Variants in CNOT4 observed in about 807,000 individuals in gnomAD.
The protein encoded by CNOT4 is CCR4-associated factor 4.
Under a neutral mutation model 73.8 loss-of-function variants are expected in CNOT4, and 8 were observed. The observed-to-expected ratio is 0.11, with a 90% confidence interval of 0.06 to 0.20. The LOEUF (loss-of-function observed/expected upper bound fraction) is 0.20. CNOT4 is among the 10% of genes least tolerant of loss of function. CNOT4 has a pLI of 1.00. For missense variants in CNOT4, 564 were observed against 883.4 expected, an observed-to-expected ratio of 0.64 and a Z score of 4.58; for synonymous variants, 293 against 321.1, an observed-to-expected ratio of 0.91 and a Z score of 0.94.
intron 2 of CNOT4, among the ~76,000 whole-genome samples, 174 bp downstream of exon 2, chr7:135,437,984 C>T (rs1018501086): frequency 4.6e-5 from 7 of 152,032 alleles, no homozygotes; most frequent in African/African-American, 1.7e-4. Context: ...AAGACGTGGC[C>T]CTGACTCCCA....
chr7:135,456,021 A>G (rs954988966), intron 1 of CNOT4, among the ~76,000 whole-genome samples: 1 of 152,222 alleles, frequency 6.6e-6, no homozygotes, highest in African/African-American at 2.4e-5. Context: ...ATTGACGAAA[A>G]CAGAAGAGAA....
intron 5 of CNOT4, 110 bp from the exon 6 acceptor site, chr7:135,413,723 G>T: frequency 9.9e-7 from 1 of 1,008,890 alleles, no homozygotes; most frequent in Non-Finnish European, 1.4e-6. Flanking sequence ...GCACAAACAT[G>T]ACAAAACAAA....
At chr7:135,384,353 C>T (rs372249448) in intron 10 of CNOT4, 23 of 240,552 alleles carry the variant, frequency 9.6e-5, no homozygotes, top group East Asian at 7.6e-4. Context: ...GGCACCATCT[C>T]GGCTCACTGC....
intron 10 of CNOT4, among the ~76,000 whole-genome samples, chr7:135,380,591 T>A (rs923331894): frequency 6.6e-6 from 1 of 152,210 alleles, no homozygotes; most frequent in Non-Finnish European, 1.5e-5. Flanking sequence ...TTGTTTGCAA[T>A]GAATTCACAG....
intron 2 of CNOT4, among the ~76,000 whole-genome samples, chr7:135,423,701 G>T (rs1449872686): frequency 6.6e-6 from 1 of 151,908 alleles, no homozygotes; most frequent in African/African-American, 2.4e-5. Context: ...ATTAGAGCTG[G>T]TGACCCAAAA....
intron 1 of CNOT4, among the ~76,000 whole-genome samples, chr7:135,492,812 G>A (rs1220982099): frequency 1.3e-5 from 2 of 152,060 alleles, no homozygotes; most frequent in Non-Finnish European, 2.9e-5. Context: ...ACCATGAAGT[G>A]CCTTAAATGG....
Position 135,378,141 on chromosome 7 carries a change from A to G in CNOT4, c.1628-14075T>C, listed in dbSNP as rs146117592. ...TTATTGATTCAAAATTTTACAGTGC[A>G]TTAGTCGTTCCCCAATCTGCTCCAA... On this transcript the variant is annotated intron_variant, in intron 10 of 11. Transcript: ENST00000541284. Among the ~76,000 whole-genome samples the G allele has an allele frequency of 1.2e-4, 19 of 152,340 alleles. No homozygotes were observed. The East Asian group carries it at 3.5e-3, about 28-fold the overall frequency.
At chr7:135,400,668 CA>C (rs1233660406) in intron 7 of CNOT4, among the ~76,000 whole-genome samples, 4 of 152,114 alleles carry the variant, frequency 2.6e-5, no homozygotes, top group African/African-American at 9.6e-5. Flanking sequence ...CTTTGTCCAC[CA>C]TCCAACTGCA....
At chr7:135,386,683 T>C (rs1796137968) in intron 10 of CNOT4, 1 of 152,230 alleles carries the variant, frequency 6.6e-6, no homozygotes, top group African/African-American at 2.4e-5. Context: ...TTAGCCATTC[T>C]ATGCAAAAAT....
intron 3 of CNOT4, among the ~76,000 whole-genome samples, chr7:135,421,548 A>C (rs1193600154): frequency 6.6e-6 from 1 of 152,198 alleles, no homozygotes; most frequent in East Asian, 1.9e-4. Context: ...TTGGTGGAAG[A>C]AGAGAAAAAA....
intron 1 of CNOT4, among the ~76,000 whole-genome samples, chr7:135,503,587 A>C (rs981098913): frequency 6.6e-6 from 1 of 152,220 alleles, no homozygotes; most frequent in Non-Finnish European, 1.5e-5. Context: ...AAATACCAAA[A>C]GTTCCTTTTT....
chr7:135,461,558 G>A (rs758080273), intron 1 of CNOT4, among the ~76,000 whole-genome samples: 6 of 152,068 alleles, frequency 3.9e-5, no homozygotes, highest in Non-Finnish European at 7.3e-5. Context: ...GAGGCCGGGC[G>A]CAGTGGCTCA....
chr7:135,410,013 AAG>A (rs1797507185), intron 7 of CNOT4, among the ~76,000 whole-genome samples: 1 of 151,980 alleles, frequency 6.6e-6, no homozygotes, highest in Non-Finnish European at 1.5e-5. Context: ...CTCCTAAGAT[AAG>A]TAAGATTCTG....
At chr7:135,384,601 C>T in intron 10 of CNOT4, 1 of 753,464 alleles carries the variant, frequency 1.3e-6, no homozygotes, top group Non-Finnish European at 2.4e-6. Context: ...CTCTCTTAAG[C>T]TATACCACAT....
intron 1 of CNOT4, among the ~76,000 whole-genome samples, chr7:135,454,710 G>A (rs1800415532): frequency 6.6e-6 from 1 of 151,724 alleles, no homozygotes; most frequent in Admixed American, 6.6e-5. Context: ...TGGGCAACGT[G>A]GTGAAACTCC....
At chr7:135,456,956 G>A (rs1166279293) in intron 1 of CNOT4, among the ~76,000 whole-genome samples, 2 of 151,960 alleles carry the variant, frequency 1.3e-5, no homozygotes, top group Non-Finnish European at 2.9e-5. Context: ...ATAAGATTTT[G>A]TACATAGAAA....
intron 1 of CNOT4, among the ~76,000 whole-genome samples, chr7:135,465,904 C>T (rs1036212125): frequency 6.6e-6 from 1 of 151,818 alleles, no homozygotes; most frequent in Non-Finnish European, 1.5e-5. Context: ...AAAAATTAGC[C>T]GGGCGTGGTG....
At position 135,397,141 on chromosome 7, in the gene CNOT4, A is replaced by C. The variant is rs1332168891; in HGVS notation, c.879+1028T>G. ...AGTATATGCTTTTCAAGCAAAAACT[A>C]TATTGCATTAAGATAAAACTCTATA... On this transcript the variant is annotated intron_variant, in intron 8 of 11. Coordinates refer to ENST00000541284, the MANE Select transcript of CNOT4 (RefSeq NM_001190850.2). Among the ~76,000 whole-genome samples the C allele has an allele frequency of 6.6e-5, 10 of 152,164 alleles. No individual in the cohort carries two copies. In the East Asian group the frequency reaches 1.9e-3, roughly 29 times the overall value.
chr7:135,492,248 T>A (rs1166537642), intron 1 of CNOT4, among the ~76,000 whole-genome samples: 1 of 152,134 alleles, frequency 6.6e-6, no homozygotes, highest in African/African-American at 2.4e-5. Context: ...TTTCTTACCA[T>A]GAATTTAAAG....
Sources: allele counts gnomAD v4.1 joint callset (sites outside exome capture counted in the v4.1 genomes callset), GRCh38; gene constraint gnomAD v4.1.1; transcripts MANE v1.5; gene names NCBI Gene and HGNC (gene_info 2026-07-23, HGNC 2026-07-21).